Variants in DAAM1 observed in about 807,000 individuals in gnomAD.
DAAM1 encodes dishevelled associated activator of morphogenesis 1.
DAAM1 carries 52 observed loss-of-function variants against 130.0 expected under a neutral mutation model. The ratio of observed to expected loss-of-function variants is 0.40; its 90% CI spans 0.32 to 0.50. DAAM1 has a LOEUF of 0.50. Among genes scored for constraint, DAAM1 ranks in the 20% least tolerant of loss-of-function variants. DAAM1 has a pLI of 0.61. For synonymous variants in DAAM1, 452 were observed against 444.5 expected, an observed-to-expected ratio of 1.02 and a Z score of -0.21; for missense variants, 1,134 against 1,303.8, an observed-to-expected ratio of 0.87 and a Z score of 2.01.
intron 1 of DAAM1, among the ~76,000 whole-genome samples, chr14:59,219,874 G>T (rs564860007): frequency 6.6e-6 from 1 of 152,194 alleles, no homozygotes; most frequent in African/African-American, 2.4e-5. Flanking sequence ...GCCACTTCTG[G>T]ACATGCCTTT....
intron 1 of DAAM1, among the ~76,000 whole-genome samples, chr14:59,215,252 AAT>A (rs2139417841): frequency 6.6e-6 from 1 of 152,342 alleles, no homozygotes; most frequent in East Asian, 1.9e-4. Context: ...AGAAAAAAGA[AAT>A]ATGTCTTTTC....
intron 1 of DAAM1, among the ~76,000 whole-genome samples, chr14:59,253,667 A>G (rs1418834706): frequency 1.3e-5 from 2 of 152,204 alleles, no homozygotes; most frequent in African/African-American, 4.8e-5. Flanking sequence ...CCTCTTTGGC[A>G]ATAAAATGCC....
chr14:59,268,923 C>A (rs998691131), intron 2 of DAAM1, among the ~76,000 whole-genome samples: 2 of 152,196 alleles, frequency 1.3e-5, no homozygotes, highest in Non-Finnish European at 2.9e-5. Context: ...CTCAGCCAAC[C>A]TATCCGAAGA....
chr14:59,202,344 A>G (rs1208656344), intron 1 of DAAM1, among the ~76,000 whole-genome samples: 2 of 152,214 alleles, frequency 1.3e-5, no homozygotes, highest in African/African-American at 2.4e-5. Context: ...GTGGGAGATC[A>G]AATAAAATGG....
chr14:59,297,263 G>T (rs779992218), intron 3 of DAAM1, among the ~76,000 whole-genome samples: 12 of 152,142 alleles, frequency 7.9e-5, no homozygotes, highest in Non-Finnish European at 1.2e-4. Flanking sequence ...TGTTATACTG[G>T]TTGACCAACA....
At chr14:59,312,384 C>T (rs766428488) in intron 3 of DAAM1, among the ~76,000 whole-genome samples, 1 of 152,132 alleles carries the variant, frequency 6.6e-6, no homozygotes, top group Non-Finnish European at 1.5e-5. Context: ...GAGGCAGGCA[C>T]CTATTTCACA....
At chr14:59,305,169 C>T (rs1389453034) in intron 3 of DAAM1, among the ~76,000 whole-genome samples, 1 of 152,186 alleles carries the variant, frequency 6.6e-6, no homozygotes, top group South Asian at 2.1e-4. Context: ...AACTGGACCA[C>T]ATTGTACCTG....
At chr14:59,230,612 T>C (rs1166778751) in intron 1 of DAAM1, among the ~76,000 whole-genome samples, 1 of 151,880 alleles carries the variant, frequency 6.6e-6, no homozygotes, top group East Asian at 1.9e-4. Context: ...GTGGGGGGCT[T>C]GGAGGGAGTG....
chr14:59,213,881 A>T (rs1888500821), intron 1 of DAAM1, among the ~76,000 whole-genome samples: 1 of 152,176 alleles, frequency 6.6e-6, no homozygotes, highest in Non-Finnish European at 1.5e-5. Context: ...GATTTTAAGC[A>T]TTGGGCAAGC....
At chr14:59,322,801 TC>T in intron 5 of DAAM1, 90 bp from the exon 6 acceptor site, 1 of 1,067,616 alleles carries the variant, frequency 9.4e-7, no homozygotes, top group South Asian at 1.6e-5. Context: ...AGGAACTAAA[TC>T]TTTCTTTCCC....
At chr14:59,325,398 T>C (rs1885168475) in intron 8 of DAAM1, among the ~76,000 whole-genome samples, 1 of 152,216 alleles carries the variant, frequency 6.6e-6, no homozygotes, top group South Asian at 2.1e-4. Context: ...TGATTGTTTT[T>C]AGATTTAGTT....
At chr14:59,321,031 A>T (rs1884984696) in intron 5 of DAAM1, among the ~76,000 whole-genome samples, 1 of 152,248 alleles carries the variant, frequency 6.6e-6, no homozygotes, top group African/African-American at 2.4e-5. Context: ...GGCATTATTC[A>T]TGATAGCCAA....
At chr14:59,279,275 T>C (rs1360886109) in intron 2 of DAAM1, among the ~76,000 whole-genome samples, 1 of 152,192 alleles carries the variant, frequency 6.6e-6, no homozygotes, top group Non-Finnish European at 1.5e-5. Context: ...CTACTTTTTC[T>C]AAGAAATTCA....
chr14:59,222,117 A>G (rs750246322), intron 1 of DAAM1, among the ~76,000 whole-genome samples: 1 of 152,210 alleles, frequency 6.6e-6, no homozygotes, highest in Non-Finnish European at 1.5e-5. Context: ...TCCATTGTAC[A>G]ATCAAATCAG....
At chr14:59,306,084 T>TC (rs981703744) in intron 3 of DAAM1, among the ~76,000 whole-genome samples, 3 of 151,306 alleles carry the variant, frequency 2.0e-5, no homozygotes, top group Non-Finnish European at 4.4e-5. Context: ...TGACTGTTGT[T>TC]TTTTTTTTAA....
chr14:59,275,436 T>G (rs1468432229), intron 2 of DAAM1, among the ~76,000 whole-genome samples: 1 of 150,490 alleles, frequency 6.6e-6, no homozygotes, highest in East Asian at 1.9e-4. Flanking sequence ...ACTTAAAAGT[T>G]AAAAAAAAAA....
At chr14:59,197,143 A>T (rs1289450285) in intron 1 of DAAM1, among the ~76,000 whole-genome samples, 1 of 152,116 alleles carries the variant, frequency 6.6e-6, no homozygotes, top group Non-Finnish European at 1.5e-5. Flanking sequence ...GATGGTCTCG[A>T]TCTCCTGACC....
intron 20 of DAAM1, among the ~76,000 whole-genome samples, chr14:59,357,659 TC>T (rs1886536702): frequency 6.6e-6 from 1 of 152,070 alleles, no homozygotes; most frequent in Non-Finnish European, 1.5e-5. Context: ...GCGCTTGTAG[TC>T]CCAGCTACTC....
At chr14:59,207,776 G>A (rs189780301) in intron 1 of DAAM1, among the ~76,000 whole-genome samples, 5 of 152,272 alleles carry the variant, frequency 3.3e-5, no homozygotes, top group Non-Finnish European at 7.3e-5. Context: ...GATCATCCCT[G>A]GAGGGCCTCT....
Sources: allele counts gnomAD v4.1 joint callset (sites outside exome capture counted in the v4.1 genomes callset), GRCh38; gene constraint gnomAD v4.1.1; transcripts MANE v1.5; gene names NCBI Gene and HGNC (gene_info 2026-07-23, HGNC 2026-07-21).